TTC8: variants seen among roughly 807,000 people sequenced by gnomAD.
TTC8 encodes tetratricopeptide repeat protein 8.
Under a neutral mutation model 72.5 loss-of-function variants are expected in TTC8, and 47 were observed. That is an observed-to-expected ratio of 0.65 (90% CI 0.51 to 0.83). TTC8 has a LOEUF of 0.83. TTC8 is among the 40% of genes least tolerant of loss of function. The pLI, the probability that TTC8 is intolerant of heterozygous loss-of-function variation, is 0.00. For synonymous variants in TTC8, 199 were observed against 221.4 expected, an observed-to-expected ratio of 0.90 and a Z score of 0.90; for missense variants, 611 against 623.2, an observed-to-expected ratio of 0.98 and a Z score of 0.21.
At chr14:88,868,140 C>T (rs899788841) in intron 10 of TTC8, among the ~76,000 whole-genome samples, 15 of 152,152 alleles carry the variant, frequency 9.9e-5, no homozygotes, top group East Asian at 1.9e-4. Context: ...ACAACCTTCT[C>T]GCTCTGGGTT....
chr14:88,848,583 T>A (rs1006356825), intron 7 of TTC8, among the ~76,000 whole-genome samples: 2 of 152,186 alleles, frequency 1.3e-5, no homozygotes, highest in African/African-American at 2.4e-5. Flanking sequence ...GGAATGAGTT[T>A]GGTAAATTAT....
intron 13 of TTC8, 68 bp from the exon 14 acceptor site, chr14:88,874,958 A>C (rs901930401): frequency 1.2e-4 from 153 of 1,282,224 alleles, no homozygotes; most frequent in Admixed American, 1.5e-4. Flanking sequence ...CCAAAAAAAA[A>C]ACACAAATAT....
In TTC8 at chr14:88,877,394, A is replaced by G. The variant is rs1314418520; in HGVS notation, c.1532A>G (p.His511Arg). The G allele has an allele frequency of 6.2e-7, 1 of 1,613,368 alleles. No homozygotes were observed. Among genetic ancestry groups the G allele is most frequent in the Non-Finnish European group, 8.5e-7 (1 of 1,179,516 alleles). The change falls in exon 15 of 15, where the codon CAT becomes CGT. Residue 511 changes from histidine to arginine, a missense_variant. Physicochemically the swap from His to Arg is conservative, Grantham distance 29. Transcript: ENST00000380656. ...TQHLIKQLRQ[H>R]FAML ...CATTTAATTAAACAATTAAGGCAGC[A>G]TTTTGCTATGCTCTGATTGTTCCTT...
intron 1 of TTC8, among the ~76,000 whole-genome samples, chr14:88,831,537 A>AT (rs1445857501): frequency 1.3e-5 from 2 of 152,156 alleles, no homozygotes; most frequent in African/African-American, 4.8e-5. Context: ...CTAAGCCCCA[A>AT]TTTTGGGGCT....
chr14:88,854,461 T>C (rs1330700615), intron 8 of TTC8, among the ~76,000 whole-genome samples: 1 of 152,200 alleles, frequency 6.6e-6, no homozygotes, highest in East Asian at 1.9e-4. Flanking sequence ...TGTCCGTTCT[T>C]TCAAATGGTT....
At chr14:88,824,337 TC>T (rs1042515808), upstream of TTC8, 10 of 262,090 alleles carry the variant, frequency 3.8e-5, no homozygotes, top group African/African-American at 6.8e-5. Flanking sequence ...CAGGGACTCT[TC>T]CGGACCTGCA....
At chr14:88,867,583 T>C (rs1172847185) in intron 10 of TTC8, among the ~76,000 whole-genome samples, 1 of 152,232 alleles carries the variant, frequency 6.6e-6, no homozygotes, top group Non-Finnish European at 1.5e-5. Flanking sequence ...TTTAATTTTG[T>C]ACCGTTTTGT....
At chr14:88,825,583 G>A (rs1195796792) in intron 1 of TTC8, among the ~76,000 whole-genome samples, 3 of 152,158 alleles carry the variant, frequency 2.0e-5, no homozygotes, top group Non-Finnish European at 4.4e-5. Context: ...TCCTGGAATA[G>A]GCAAAAAAGG....
chr14:88,830,464 T>A (rs12588081), intron 1 of TTC8, among the ~76,000 whole-genome samples: 47,236 of 152,102 alleles, frequency 0.31, 7,673 homozygotes, highest in Non-Finnish European at 0.37. Context: ...AGCTTATACT[T>A]GAATAAGTAT....
rs2140976682 is a variant in TTC8, at chr14:88,841,043, C to G, written c.336C>G (p.Ile112Met). 3 of 1,614,102 alleles carry G rather than the reference C, an allele frequency of 1.9e-6. No individual in the cohort carries two copies. Among genetic ancestry groups the G allele is most frequent in the Non-Finnish European group, 2.5e-6 (3 of 1,179,996 alleles). The change falls in exon 5 of 15, where the codon ATC becomes ATG. Residue 112 changes from isoleucine to methionine, a missense_variant. Coordinates refer to ENST00000380656, the MANE Select transcript of TTC8 (RefSeq NM_144596.4). The part of the protein sequence containing the change: ...TGGPSQAVRP[I>M]TQAGRPITGF... ...CAATTTATAATCTTCACAGGCCAAT[C>G]ACACAAGCTGGAAGACCCATTACAG...
chr14:88,854,652 C>T (rs1346447276), intron 8 of TTC8, among the ~76,000 whole-genome samples: 1 of 152,116 alleles, frequency 6.6e-6, no homozygotes, highest in Non-Finnish European at 1.5e-5. Flanking sequence ...AAACCTTATA[C>T]ACATAGCCTG....
At chr14:88,843,466 A>G (rs1272781393) in intron 6 of TTC8, among the ~76,000 whole-genome samples, 2 of 151,990 alleles carry the variant, frequency 1.3e-5, no homozygotes, top group Non-Finnish European at 2.9e-5. Context: ...CTAAATTATC[A>G]TTATTAATAT....
At chr14:88,867,473 C>T (rs560238859) in intron 10 of TTC8, among the ~76,000 whole-genome samples, 5 of 152,108 alleles carry the variant, frequency 3.3e-5, no homozygotes, top group African/African-American at 1.2e-4. Context: ...ATATGCACAC[C>T]CATATGTATG....
intron 2 of TTC8, chr14:88,836,999 T>C: frequency 4.0e-6 from 1 of 250,106 alleles, no homozygotes; most frequent in Non-Finnish European, 8.3e-6. Flanking sequence ...AAGCGGAGGT[T>C]GCAGCAAGCC....
At chr14:88,837,790 T>C (rs1460790342) in intron 2 of TTC8, among the ~76,000 whole-genome samples, 2 of 152,224 alleles carry the variant, frequency 1.3e-5, no homozygotes, top group Non-Finnish European at 2.9e-5. Flanking sequence ...GATATGGTAT[T>C]GTTCCTGATC....
chr14:88,872,304 G>A (rs1389268296), intron 12 of TTC8, 26 bp from the exon 13 acceptor site: 2 of 1,613,194 alleles, frequency 1.2e-6, no homozygotes, highest in Admixed American at 3.3e-5. Flanking sequence ...GGACCCATGG[G>A]TGTGAACATA....
chr14:88,841,000 A>C (rs763976928), intron 4 of TTC8, 37 bp from the exon 5 acceptor site: 1 of 1,613,968 alleles, frequency 6.2e-7, no homozygotes, highest in South Asian at 1.1e-5. Flanking sequence ...TCCTCAAATG[A>C]TCTTCTTTGT....
At chr14:88,878,539 A>G (rs1376557425), downstream of TTC8, 1 of 152,230 alleles carries the variant, frequency 6.6e-6, no homozygotes, top group Non-Finnish European at 1.5e-5. Context: ...CATTCACTAC[A>G]GACAAGAAAG....
At chr14:88,853,459 T>C (rs2094842724) in intron 8 of TTC8, among the ~76,000 whole-genome samples, 1 of 152,216 alleles carries the variant, frequency 6.6e-6, no homozygotes, top group African/African-American at 2.4e-5. Context: ...AAACACTTCA[T>C]AGTTAAGAGA....
Sources: gnomAD v4.1 joint callset for allele counts (sites outside exome capture counted in the v4.1 genomes callset) on GRCh38, gnomAD v4.1.1 for gene constraint, MANE v1.5 for transcripts, NCBI Gene and HGNC (gene_info 2026-07-23, HGNC 2026-07-21) for gene names.